NUP98: variants seen among roughly 807,000 people sequenced by gnomAD.
NUP98 encodes nucleoporin 98 and 96 precursor.
Under a neutral mutation model 191.9 loss-of-function variants are expected in NUP98, and 26 were observed. The observed-to-expected ratio is 0.14, with a 90% CI of 0.10 to 0.19. The LOEUF is 0.19. NUP98 is among the 10% of genes least tolerant of loss of function. NUP98 has a pLI of 1.00. For synonymous variants in NUP98, 808 were observed against 778.4 expected (o/e 1.04, Z -0.63); for missense variants, 1,941 against 2,178.8 (o/e 0.89, Z 2.17).
intron 11 of NUP98, 113 bp downstream of exon 11, chr11:3,753,203 C>T (rs979526556): frequency 1.1e-6 from 1 of 905,994 alleles, no homozygotes; most frequent in Non-Finnish European, 1.7e-6. Flanking sequence ...ACTGGAAAAA[C>T]GAAAAGGTAG....
chr11:3,775,820 T>A, intron 5 of NUP98, 62 bp downstream of exon 5: 2 of 1,524,378 alleles, frequency 1.3e-6, no homozygotes, highest in Non-Finnish European at 1.8e-6. Context: ...TTACAATTCA[T>A]CCTGCAAAGA....
At chr11:3,729,543 C>CAAA (rs36045405) in intron 14 of NUP98, among the ~76,000 whole-genome samples, 2,159 of 55,676 alleles carry the variant, frequency 0.039, 24 homozygotes, top group Middle Eastern at 0.061. Context: ...CCTGTATCTC[C>CAAA]AAAAAAAAAA....
At chr11:3,791,280 C>A (rs936839785) in intron 1 of NUP98, among the ~76,000 whole-genome samples, 1 of 151,792 alleles carries the variant, frequency 6.6e-6, no homozygotes, top group African/African-American at 2.4e-5. Flanking sequence ...CACCTGTAAT[C>A]CTAGCAGTTT....
intron 8 of NUP98, 83 bp from the exon 9 acceptor site, chr11:3,763,122 A>G (rs1387522559): frequency 1.2e-5 from 16 of 1,359,074 alleles, no homozygotes; most frequent in Non-Finnish European, 1.5e-5. Context: ...AAAAGTTACC[A>G]TTTTTTCAAG....
intron 17 of NUP98, among the ~76,000 whole-genome samples, chr11:3,720,498 T>C (rs962173387): frequency 1.3e-5 from 2 of 151,862 alleles, no homozygotes; most frequent in African/African-American, 4.8e-5. Context: ...CAAGACCCCA[T>C]CTCAACAGAA....
Position 3,744,550 on chromosome 11 carries a change from G to A in NUP98, c.1367C>T (p.Thr456Met), listed in dbSNP as rs1259626297. Residue 456 changes from threonine (T) to methionine (M), a missense_variant, in exon 12 of 33, where the codon ACG becomes ATG. Transcript: ENST00000324932. ...GGCTCCAAAGCCCAAAGTGGCTGTC[G>A]TAGTATTAAATCCAGGGGCCCCAAA... Reference protein sequence around the residue: ...GAFGAPGFNTTTATLGFGAPQ... With the variant: ...GAFGAPGFNTMTATLGFGAPQ... 14 of 1,613,668 alleles carry A rather than the reference G, an allele frequency of 8.7e-6. No individual in the cohort carries two copies. Among genetic ancestry groups the A allele is most frequent in the Admixed American group, 5.0e-5 (3 of 59,956 alleles).
intron 28 of NUP98, among the ~76,000 whole-genome samples, chr11:3,690,167 G>T (rs1430197076): frequency 6.6e-6 from 1 of 151,384 alleles, no homozygotes; most frequent in Non-Finnish European, 1.5e-5. Context: ...GGCCAGGCTG[G>T]TCTCAAACTC....
chr11:3,789,501 CTTTT>C lies in NUP98; in HGVS notation c.-28-7360_-28-7357del, dbSNP rs914589009. ...AATTTACAAATTCATTTACCTATTTCTTTTTTTTTTTTTTTTTTTTGGTTTTTGT... is the reference window on the plus strand; with the variant it reads ...AATTTACAAATTCATTTACCTATTTCTTTTTTTTTTTTTTTTGGTTTTTGT... On this transcript the variant is annotated intron_variant, in intron 1 of 32. Transcript: ENST00000324932. Among the ~76,000 whole-genome samples the C allele has an allele frequency of 1.9e-4, 23 of 123,064 alleles. 1 individual carries two copies. The South Asian group carries it at 2.2e-3, about 12-fold the overall frequency. The allele number at this position is 123,064 out of a possible 152,430, so 80.7% of individuals were successfully genotyped here.
chr11:3,756,020 T>C (rs1485764981), intron 10 of NUP98, among the ~76,000 whole-genome samples: 1 of 152,196 alleles, frequency 6.6e-6, no homozygotes. Flanking sequence ...AATCGCAATA[T>C]ATTTGACTTA....
intron 3 of NUP98, 34 bp from the exon 4 acceptor site, chr11:3,779,083 T>C (rs760424771): frequency 1.9e-6 from 3 of 1,613,830 alleles, no homozygotes; most frequent in East Asian, 4.5e-5. Context: ...AAAAGTTAAG[T>C]ACATCAGAGC....
chr11:3,721,080 AT>A, intron 16 of NUP98: 1 of 236,286 alleles, frequency 4.2e-6, no homozygotes, highest in Non-Finnish European at 8.1e-6. Context: ...CTTACAGTAA[AT>A]AGCCTATTAA....
chr11:3,685,866 C>A (rs990701338), intron 29 of NUP98, 107 bp downstream of exon 29: 1 of 827,436 alleles, frequency 1.2e-6, no homozygotes, highest in Admixed American at 2.0e-5. Context: ...GGATCTAACA[C>A]ACATTCTACA....
intron 1 of NUP98, among the ~76,000 whole-genome samples, chr11:3,786,524 T>C (rs2082146556): frequency 6.6e-6 from 1 of 152,194 alleles, no homozygotes; most frequent in East Asian, 1.9e-4. Context: ...AAAAGAAACC[T>C]TTAACTTTAT....
At chr11:3,715,889 A>G (rs968928435) in intron 18 of NUP98, among the ~76,000 whole-genome samples, 7 of 152,164 alleles carry the variant, frequency 4.6e-5, no homozygotes, top group African/African-American at 1.7e-4. Flanking sequence ...TTACAGGCAT[A>G]AGCCACTGCA....
At chr11:3,709,561 C>G (rs1009813774) in intron 20 of NUP98, among the ~76,000 whole-genome samples, 1 of 151,470 alleles carries the variant, frequency 6.6e-6, no homozygotes, top group African/African-American at 2.4e-5. Context: ...AATAAATTAG[C>G]TGGCATGATG....
intron 10 of NUP98, among the ~76,000 whole-genome samples, chr11:3,756,729 G>C (rs988461401): frequency 6.6e-6 from 1 of 152,012 alleles, no homozygotes; most frequent in Non-Finnish European, 1.5e-5. Context: ...GCTTGTTTTT[G>C]TTTTTTGGGG....
intron 6 of NUP98, among the ~76,000 whole-genome samples, chr11:3,772,583 T>C (rs1398219050): frequency 6.6e-6 from 1 of 152,178 alleles, no homozygotes; most frequent in South Asian, 2.1e-4. Flanking sequence ...TTTGGGAGGC[T>C]GAGGTGGACG....
chr11:3,726,545 A>C (rs970575422), intron 14 of NUP98, among the ~76,000 whole-genome samples: 2 of 151,410 alleles, frequency 1.3e-5, no homozygotes, highest in Non-Finnish European at 2.9e-5. Context: ...AAAAAAGACA[A>C]GGGTATTTTT....
At chr11:3,705,451 C>T in intron 21 of NUP98, 95 bp from the exon 22 acceptor site, 8 of 1,197,274 alleles carry the variant, frequency 6.7e-6, no homozygotes, top group Non-Finnish European at 9.6e-6. Context: ...AAATATTGTT[C>T]CTCCTCAAGG....
Sources: allele counts gnomAD v4.1 joint callset (sites outside exome capture counted in the v4.1 genomes callset), GRCh38; gene constraint gnomAD v4.1.1; transcripts MANE v1.5; gene names NCBI Gene and HGNC (gene_info 2026-07-23, HGNC 2026-07-21).